Variants in CDC45 observed in about 807,000 individuals in gnomAD.
The protein encoded by CDC45 is cell division cycle 45.
In CDC45, 54 loss-of-function variants were observed where a neutral mutation model predicts 77.8. The ratio of observed to expected loss-of-function variants is 0.69; its 90% CI spans 0.56 to 0.87. The LOEUF is 0.87. Among genes scored for constraint, CDC45 ranks in the 40% least tolerant of loss-of-function variants. CDC45 has a pLI of 0.00. For missense variants in CDC45, 649 were observed against 721.6 expected (o/e 0.90, Z 1.15); for synonymous variants, 260 against 272.1 (o/e 0.96, Z 0.44).
chr22:19,513,904 A>G (rs1342242608), intron 13 of CDC45, among the ~76,000 whole-genome samples: 2 of 151,982 alleles, frequency 1.3e-5, no homozygotes. Flanking sequence ...TTGTCTTGTT[A>G]TCTATGTTGA....
rs200419741 is a variant in CDC45 at position 19,490,438 on chromosome 22, G to A, written c.487-3889G>A. On this transcript the variant is annotated intron_variant, in intron 5 of 18. Coordinates refer to ENST00000263201, the MANE Select transcript of CDC45 (RefSeq NM_003504.5). ...TGCCCAGGCTGGAATGCAGTGGCGC[G>A]ATCTTGGCTCACTGCAACCTCTGCC... Among the ~76,000 whole-genome samples the A allele has an allele frequency of 4.0e-5, 6 of 151,740 alleles. 1 individual carries two copies. The highest frequency in any genetic ancestry group is 1.3e-4 in the Admixed American group (2 of 15,246).
In CDC45 at chr22:19,507,472, CTG is replaced by C. The variant is rs2146413876; in HGVS notation, c.914_915del (p.Val305AlafsTer40). On this transcript the variant is annotated frameshift_variant, in exon 11 of 19. Transcript: ENST00000263201. LOFTEE classifies it high-confidence loss of function. Reference sequence around the variant, plus strand: ...ACCGCAGCCAGGTTCAAGCTGTGGTCTGTGCATGGACAGAAGCGGCTCCAGGA... The same window carrying C: ...ACCGCAGCCAGGTTCAAGCTGTGGTCTGCATGGACAGAAGCGGCTCCAGGA... 6.2e-7 allele frequency: 1 copy of C among 1,614,190 alleles called. No homozygotes were observed. Among genetic ancestry groups the C allele is most frequent in the Non-Finnish European group, 8.5e-7 (1 of 1,180,034 alleles).
chr22:19,489,661 A>G (rs1379026390), intron 5 of CDC45, among the ~76,000 whole-genome samples: 1 of 152,222 alleles, frequency 6.6e-6, no homozygotes, highest in East Asian at 1.9e-4. Context: ...AAAACAAACA[A>G]TATTTATTAT....
chr22:19,494,338 G>C lies in CDC45; in HGVS notation c.498G>C (p.Glu166Asp), dbSNP rs781673100. 8 of 1,612,740 alleles carry C rather than the reference G, an allele frequency of 5.0e-6. No individual in the cohort carries two copies. The East Asian group carries it at 1.8e-4, about 36-fold the overall frequency. Residue 166 changes from glutamate to aspartate, a missense_variant, in exon 6 of 19, where the codon GAG (glutamate) becomes GAC (aspartate). Physicochemically the swap from Glu to Asp is conservative, Grantham distance 45. Coordinates refer to ENST00000263201, the MANE Select transcript of CDC45 (RefSeq NM_003504.5). ...TGTCCCTGTATCAGGAGATAGTGGA[G>C]CAAACCATGCGGAGGAGGCAGCGGC... is the stretch of plus-strand genomic sequence containing the variant. The part of the protein sequence containing the change: ...KRTRLEEEIV[E>D]QTMRRRQRRE...
intron 5 of CDC45, among the ~76,000 whole-genome samples, chr22:19,484,223 T>C (rs2090030406): frequency 6.6e-6 from 1 of 152,194 alleles, no homozygotes; most frequent in Non-Finnish European, 1.5e-5. Context: ...TCCAATAGGA[T>C]CCTGTCAGAA....
chr22:19,479,597 T>C (rs761996504), upstream of CDC45: 5 of 601,636 alleles, frequency 8.3e-6, no homozygotes, highest in South Asian at 7.6e-5. Context: ...TAATGTATGG[T>C]TAGAAGTATA....
rs144710626 is a variant in CDC45, at chr22:19,514,180, C to G, written c.1218-569C>G. Among the ~76,000 whole-genome samples, 39 of 152,284 alleles carry G rather than the reference C, an allele frequency of 2.6e-4. 1 individual carries two copies. The highest frequency in any genetic ancestry group is 9.4e-4 in the African/African-American group (39 of 41,546). Reference sequence around the variant, plus strand: ...CAAATGGTCTGATGTCTTTCATATTCAAGAACGGGATTGTGGACCCTTGGC... The same window carrying G: ...CAAATGGTCTGATGTCTTTCATATTGAAGAACGGGATTGTGGACCCTTGGC... On this transcript the variant is annotated intron_variant, in intron 13 of 18. Coordinates refer to ENST00000263201, the MANE Select transcript of CDC45 (RefSeq NM_003504.5).
chr22:19,479,911 A>C (rs1601912195), upstream of CDC45: 1 of 1,594,756 alleles, frequency 6.3e-7, no homozygotes. Flanking sequence ...GGGAGTCTTG[A>C]CCGCCGCCGG....
intron 13 of CDC45, among the ~76,000 whole-genome samples, chr22:19,513,648 T>C (rs1331319159): frequency 6.6e-6 from 1 of 152,222 alleles, no homozygotes; most frequent in Non-Finnish European, 1.5e-5. Flanking sequence ...CAATGTTTCT[T>C]GGGATCTTCA....
chr22:19,505,452 G>A lies in CDC45; in HGVS notation c.795G>A (p.Val265=), dbSNP rs1219996016. The change falls in exon 10 of 19, where the codon GTG becomes GTA. Residue 265 remains valine (V), a synonymous_variant. Coordinates refer to ENST00000263201, the MANE Select transcript of CDC45 (RefSeq NM_003504.5). ...AGGATGAGGAGAACACACTCTCCGT[G>A]GACTGCACACGGATCTCCTTTGAGT... is the stretch of plus-strand genomic sequence containing the variant. ...RNEDEENTLS[V]DCTRISFEYD... 7 of 1,614,018 alleles carry A rather than the reference G, an allele frequency of 4.3e-6. No individual in the cohort carries two copies. In the Admixed American group the frequency reaches 1.2e-4, roughly 27 times the overall value.
intron 8 of CDC45, 36 bp from the exon 9 acceptor site, chr22:19,499,065 G>C: frequency 6.2e-7 from 1 of 1,610,480 alleles, no homozygotes; most frequent in South Asian, 1.1e-5. Context: ...GCCCAGGTGG[G>C]CTATAGGCCG....
chr22:19,486,864 G>C (rs2090075775), intron 5 of CDC45, among the ~76,000 whole-genome samples: 1 of 152,242 alleles, frequency 6.6e-6, no homozygotes, highest in Non-Finnish European at 1.5e-5. Flanking sequence ...TTTTAGTAGA[G>C]ACGGGGTTTC....
chr22:19,512,823 G>A (rs1195527769), intron 13 of CDC45, among the ~76,000 whole-genome samples: 2 of 152,208 alleles, frequency 1.3e-5, no homozygotes, highest in African/African-American at 4.8e-5. Context: ...ACCTGAGGCT[G>A]AGTAATTTAT....
intron 6 of CDC45, 41 bp downstream of exon 6, chr22:19,494,423 A>G (rs1363700566): frequency 6.2e-7 from 1 of 1,608,784 alleles, no homozygotes; most frequent in Non-Finnish European, 8.5e-7. Context: ...CCAGAAGCCC[A>G]CTTGCCTGGG....
At chr22:19,479,704 G>A (rs1437050469), upstream of CDC45, 2 of 691,972 alleles carry the variant, frequency 2.9e-6, no homozygotes, top group Non-Finnish European at 5.4e-6. Context: ...GCGAGTCAGA[G>A]TTGAAGGGGG....
At chr22:19,485,112 T>C (rs2146338726) in intron 5 of CDC45, among the ~76,000 whole-genome samples, 1 of 152,276 alleles carries the variant, frequency 6.6e-6, no homozygotes, top group Non-Finnish European at 1.5e-5. Flanking sequence ...GGGTCCTTTT[T>C]GTTCTCTGAA....
chr22:19,479,814 TG>T, upstream of CDC45: 1 of 761,416 alleles, frequency 1.3e-6, no homozygotes, highest in Non-Finnish European at 2.2e-6. Context: ...GCCTCCAATG[TG>T]GCCCAATCAG....
chr22:19,503,899 A>G (rs1933004074), intron 9 of CDC45, among the ~76,000 whole-genome samples: 1 of 152,254 alleles, frequency 6.6e-6, no homozygotes, highest in African/African-American at 2.4e-5. Flanking sequence ...GATGCCTTTC[A>G]AAACCAGAAA....
intron 5 of CDC45, among the ~76,000 whole-genome samples, chr22:19,488,167 C>T (rs922306646): frequency 1.9e-4 from 29 of 152,212 alleles, no homozygotes; most frequent in Non-Finnish European, 3.7e-4. Flanking sequence ...CCTCTGTGTG[C>T]CATTGTAAAA....
Sources: gnomAD v4.1 joint callset for allele counts (sites outside exome capture counted in the v4.1 genomes callset) on GRCh38, gnomAD v4.1.1 for gene constraint, MANE v1.5 for transcripts, NCBI Gene and HGNC (gene_info 2026-07-23, HGNC 2026-07-21) for gene names.